Variants in TMEM9 observed in about 807,000 individuals in gnomAD.
TMEM9 encodes proton-transporting V-type ATPase complex assembly regulator TMEM9.
Under a neutral mutation model 22.8 loss-of-function variants are expected in TMEM9, and 13 were observed. The observed-to-expected ratio is 0.57, with a 90% confidence interval of 0.37 to 0.91. TMEM9 has a LOEUF of 0.91. Among genes scored for constraint, TMEM9 ranks in the 40% least tolerant of loss-of-function variants. The pLI, the probability that TMEM9 is intolerant of heterozygous loss-of-function variation, is 0.01. For missense variants in TMEM9, 182 were observed against 238.1 expected, an observed-to-expected ratio of 0.76 and a Z score of 1.55; for synonymous variants, 88 against 93.0, an observed-to-expected ratio of 0.95 and a Z score of 0.31.
intron 2 of TMEM9, among the ~76,000 whole-genome samples, chr1:201,147,975 T>C (rs912765012): frequency 5.9e-5 from 9 of 152,184 alleles, no homozygotes; most frequent in Non-Finnish European, 8.8e-5. Flanking sequence ...TAATCCAATC[T>C]TTATTCGTGC....
At chr1:201,136,910 T>A (rs975030212) in intron 4 of TMEM9, among the ~76,000 whole-genome samples, 1 of 152,260 alleles carries the variant, frequency 6.6e-6, no homozygotes, top group Non-Finnish European at 1.5e-5. Flanking sequence ...CTGGCACGGC[T>A]TCTGTCACCA....
At chr1:201,168,830 C>T (rs1207299133) in intron 1 of TMEM9, among the ~76,000 whole-genome samples, 6 of 151,970 alleles carry the variant, frequency 3.9e-5, no homozygotes, top group Admixed American at 3.9e-4. Flanking sequence ...TTCACTGTGT[C>T]ACCCAGGCTG....
intron 4 of TMEM9, among the ~76,000 whole-genome samples, chr1:201,138,744 C>A (rs936755159): frequency 6.6e-6 from 1 of 152,182 alleles, no homozygotes; most frequent in African/African-American, 2.4e-5. Context: ...TAAAACCATC[C>A]CCTATTGTAG....
Position 201,154,201 on chromosome 1 carries a change from A to T in TMEM9, c.-278T>A. 1 of 402,192 alleles carries T rather than the reference A, an allele frequency of 2.5e-6. No homozygotes were observed. The highest frequency in any genetic ancestry group is 3.1e-5 in the South Asian group (1 of 31,884). 24.9% of individuals were successfully genotyped at this position (402,192 alleles called of 1,614,324 possible). On this transcript the variant is annotated 5_prime_UTR_variant, in exon 1 of 5. Coordinates refer to ENST00000367330, the MANE Select transcript of TMEM9 (RefSeq NM_001288565.2). ...GGGGACACCGCTGCCAGGGGCCTCCAGTTCCTTCTCAAGGCCCGGCTCTGA... is the reference window on the plus strand; with the variant it reads ...GGGGACACCGCTGCCAGGGGCCTCCTGTTCCTTCTCAAGGCCCGGCTCTGA...
At chr1:201,158,485 T>G (rs1016493722), upstream of TMEM9, among the ~76,000 whole-genome samples, 1 of 152,010 alleles carries the variant, frequency 6.6e-6, no homozygotes, top group African/African-American at 2.4e-5. Context: ...GAGATGGGAC[T>G]GGGGAAGTTC....
At chr1:201,142,461 C>T (rs1387817396) in intron 4 of TMEM9, among the ~76,000 whole-genome samples, 1 of 152,222 alleles carries the variant, frequency 6.6e-6, no homozygotes, top group Non-Finnish European at 1.5e-5. Flanking sequence ...CTCCCAGCCT[C>T]CTCCTCATAT....
intron 1 of TMEM9, among the ~76,000 whole-genome samples, chr1:201,160,301 G>A (rs538273901): frequency 2.0e-5 from 3 of 152,294 alleles, no homozygotes; most frequent in South Asian, 2.1e-4. Flanking sequence ...AAAAATTATT[G>A]AGGTTAGGCC....
At chr1:201,137,024 C>T (rs1056478234) in intron 4 of TMEM9, among the ~76,000 whole-genome samples, 6 of 152,244 alleles carry the variant, frequency 3.9e-5, no homozygotes, top group African/African-American at 1.4e-4. Context: ...TCATCATCCT[C>T]TCAGAGCTCT....
intron 4 of TMEM9, among the ~76,000 whole-genome samples, chr1:201,136,029 T>C (rs1401137661): frequency 1.3e-5 from 2 of 152,090 alleles, no homozygotes; most frequent in Non-Finnish European, 2.9e-5. Flanking sequence ...TTAGTGTCTG[T>C]AGCATCTGCA....
intron 1 of TMEM9, among the ~76,000 whole-genome samples, chr1:201,165,994 C>T (rs890780379): frequency 1.3e-5 from 2 of 152,126 alleles, no homozygotes; most frequent in Non-Finnish European, 2.9e-5. Flanking sequence ...TTTCTGCGAC[C>T]GACTTATCAC....
At chr1:201,150,326 C>T (rs528897335) in intron 2 of TMEM9, among the ~76,000 whole-genome samples, 20 of 152,298 alleles carry the variant, frequency 1.3e-4, no homozygotes, top group South Asian at 2.1e-4. Context: ...TAAGTTTGAC[C>T]ATGACTATCT....
intron 1 of TMEM9, among the ~76,000 whole-genome samples, chr1:201,167,806 A>G (rs1209622291): frequency 6.6e-6 from 1 of 152,250 alleles, no homozygotes; most frequent in African/African-American, 2.4e-5. Context: ...CCCTACTGCC[A>G]TAAGTTTCTT....
intron 4 of TMEM9, among the ~76,000 whole-genome samples, chr1:201,139,616 T>C (rs1296721260): frequency 2.0e-5 from 3 of 152,150 alleles, no homozygotes; most frequent in Non-Finnish European, 2.9e-5. Flanking sequence ...CACTGGTCCA[T>C]GCATCCTCTG....
At position 201,146,780 on chromosome 1, in the gene TMEM9, C is replaced by T; in HGVS notation, c.227G>A (p.Cys76Tyr). ...GCTGCGCTCCTCGTACCTGCACTCGCACAGCAGGCAGTAGGCCTCCACGTC... is the reference window on the plus strand; with the variant it reads ...GCTGCGCTCCTCGTACCTGCACTCGTACAGCAGGCAGTAGGCCTCCACGTC... ...GHDVEAYCLL[C>Y]ECRYEERSTT... The change falls in exon 3 of 5, where the codon TGC becomes TAC. Residue 76 changes from cysteine (C) to tyrosine (Y), a missense_variant. By Grantham distance (194) the Cys-to-Tyr change is radical. Coordinates refer to ENST00000367330, the MANE Select transcript of TMEM9 (RefSeq NM_001288565.2). 2 of 1,614,258 alleles carry T rather than the reference C, an allele frequency of 1.2e-6. No individual in the cohort carries two copies. The highest frequency in any genetic ancestry group is 8.5e-7 in the Non-Finnish European group (1 of 1,180,050).
intron 4 of TMEM9, among the ~76,000 whole-genome samples, chr1:201,141,265 G>A (rs570065401): frequency 2.6e-5 from 4 of 152,338 alleles, no homozygotes; most frequent in African/African-American, 7.2e-5. Context: ...GCTTTTGGCC[G>A]TCTTGGGGCT....
chr1:201,151,019 C>A (rs1251509814), intron 2 of TMEM9, among the ~76,000 whole-genome samples: 1 of 152,166 alleles, frequency 6.6e-6, no homozygotes, highest in African/African-American at 2.4e-5. Context: ...AAGCTTTTAT[C>A]CTTGGCCCCA....
At chr1:201,157,491 A>G (rs1225253335), upstream of TMEM9, among the ~76,000 whole-genome samples, 2 of 152,242 alleles carry the variant, frequency 1.3e-5, no homozygotes, top group African/African-American at 4.8e-5. Context: ...CTGTGTTAGA[A>G]AAGAAATGAT....
chr1:201,158,445 CG>C (rs1665859023), upstream of TMEM9, among the ~76,000 whole-genome samples: 3 of 36,646 alleles, frequency 8.2e-5, no homozygotes, highest in African/African-American at 3.0e-4. Flanking sequence ...GGGGTGGGGG[CG>C]GGGGCAGGGG....
chr1:201,143,526 G>A (rs1350444735), intron 4 of TMEM9, among the ~76,000 whole-genome samples: 7 of 152,218 alleles, frequency 4.6e-5, no homozygotes, highest in Admixed American at 3.3e-4. Flanking sequence ...GTGTATCTAT[G>A]TGTGACTGGC....
Sources: allele counts gnomAD v4.1 joint callset (sites outside exome capture counted in the v4.1 genomes callset), GRCh38; gene constraint gnomAD v4.1.1; transcripts MANE v1.5; gene names NCBI Gene and HGNC (gene_info 2026-07-23, HGNC 2026-07-21).